NT5E: variants seen among roughly 807,000 people sequenced by gnomAD.
NT5E encodes 5'-nucleotidase ecto.
Under a neutral mutation model 55.1 loss-of-function variants are expected in NT5E, and 53 were observed. The ratio of observed to expected loss-of-function variants is 0.96; its 90% CI spans 0.77 to 1.21. The LOEUF (loss-of-function observed/expected upper bound fraction) is 1.21, where lower values mean the gene tolerates loss of function less well. Among genes scored for constraint, NT5E ranks in the 50% most tolerant of loss-of-function variants. The pLI is 0.00. For missense variants in NT5E, 683 were observed against 724.3 expected, an observed-to-expected ratio of 0.94 and a Z score of 0.65; for synonymous variants, 270 against 278.4, an observed-to-expected ratio of 0.97 and a Z score of 0.30.
rs201657741 is a variant in NT5E at position 85,471,392 on chromosome 6, G to A, written c.718G>A (p.Val240Met). 109 of 1,612,872 alleles carry A rather than the reference G, an allele frequency of 6.8e-5. No individual in the cohort carries two copies. Among genetic ancestry groups the A allele is most frequent in the Non-Finnish European group, 8.9e-5 (105 of 1,179,228 alleles). The change falls in exon 3 of 9, where the codon GTG becomes ATG. Residue 240 changes from valine (V) to methionine (M), a missense_variant. Transcript: ENST00000257770. Reference sequence around the variant, plus strand: ...GAAAGTGAGGGGTGTGGACGTCGTGGTGGGAGGACACTCCAACACATTTCT... The same window carrying A: ...GAAAGTGAGGGGTGTGGACGTCGTGATGGGAGGACACTCCAACACATTTCT... Reference protein sequence around the residue: ...AQKVRGVDVVVGGHSNTFLYT... With the variant: ...AQKVRGVDVVMGGHSNTFLYT...
chr6:85,476,758 G>C (rs1464390787), intron 3 of NT5E, among the ~76,000 whole-genome samples: 1 of 152,142 alleles, frequency 6.6e-6, no homozygotes, highest in Non-Finnish European at 1.5e-5. Flanking sequence ...GCCATCCCCA[G>C]CTGAACTCTT....
Position 85,491,997 on chromosome 6 carries a change from C to A in NT5E, c.1381C>A (p.Leu461Ile), listed in dbSNP as rs1329566226. 2 of 1,613,960 alleles carry A rather than the reference C, an allele frequency of 1.2e-6. No homozygotes were observed. The highest frequency in any genetic ancestry group is 2.7e-5 in the African/African-American group (2 of 74,918). Residue 461 changes from leucine to isoleucine, a missense_variant, in exon 8 of 9, where the codon CTT (leucine) becomes ATT (isoleucine). Coordinates refer to ENST00000257770, the MANE Select transcript of NT5E (RefSeq NM_002526.4). ...QVGGIHVVYD[L>I]SRKPGDRVVK... is the part of the protein sequence containing the mutation. ...TCTAGGAATCCATGTGGTGTATGAT[C>A]TTTCCCGAAAACCTGGAGACAGAGT... is the stretch of plus-strand genomic sequence containing the variant.
Position 85,490,650 on chromosome 6 carries a change from G to A in NT5E, c.1353G>A (p.Gln451=). ...GCCAGTCCACTGGAGAGTTCCTGCAGGTGGGCGGTAAGTCACCCATCCTGT... is the reference window on the plus strand; with the variant it reads ...GCCAGTCCACTGGAGAGTTCCTGCAAGTGGGCGGTAAGTCACCCATCCTGT... ...RYGQSTGEFL[Q]VGGIHVVYDL... The change falls in exon 7 of 9, where the codon CAG becomes CAA. Residue 451 remains glutamine, a synonymous_variant. Coordinates refer to ENST00000257770, the MANE Select transcript of NT5E (RefSeq NM_002526.4). 1.2e-6 allele frequency: 2 copies of A among 1,614,026 alleles called. No homozygotes were observed. The highest frequency in any genetic ancestry group is 1.7e-6 in the Non-Finnish European group (2 of 1,180,016).
intron 3 of NT5E, among the ~76,000 whole-genome samples, chr6:85,476,893 C>G (rs1186641002): frequency 6.6e-6 from 1 of 151,956 alleles, no homozygotes; most frequent in African/African-American, 2.4e-5. Flanking sequence ...TTTATGGGGA[C>G]AGGATGGGGG....
At chr6:85,473,126 G>T (rs1769352294) in intron 3 of NT5E, among the ~76,000 whole-genome samples, 1 of 152,172 alleles carries the variant, frequency 6.6e-6, no homozygotes, top group South Asian at 2.1e-4. Context: ...CTCCATGAGG[G>T]TTAAATGAAC....
intron 1 of NT5E, among the ~76,000 whole-genome samples, chr6:85,458,427 C>T (rs972521017): frequency 2.0e-5 from 3 of 152,178 alleles, no homozygotes; most frequent in African/African-American, 7.2e-5. Flanking sequence ...CAGCTTCAGG[C>T]AGGGGAGGGA....
intron 3 of NT5E, among the ~76,000 whole-genome samples, chr6:85,474,647 G>A (rs946956211): frequency 9.2e-5 from 14 of 152,194 alleles, no homozygotes; most frequent in African/African-American, 2.2e-4. Flanking sequence ...AATTAAAGGT[G>A]GCTGGGCACA....
intron 3 of NT5E, 64 bp from the exon 4 acceptor site, chr6:85,485,171 T>C (rs1285515148): frequency 6.0e-6 from 9 of 1,511,238 alleles, no homozygotes; most frequent in Non-Finnish European, 8.3e-6. Flanking sequence ...AGTAGCCCGC[T>C]GGCCTACAGC....
At chr6:85,457,809 G>T (rs1036698674) in intron 1 of NT5E, among the ~76,000 whole-genome samples, 2 of 152,132 alleles carry the variant, frequency 1.3e-5, no homozygotes, top group African/African-American at 4.8e-5. Context: ...GACCTGCTAG[G>T]GTGAAAATTA....
At chr6:85,493,319 A>C (rs1307793980) in intron 8 of NT5E, among the ~76,000 whole-genome samples, 1 of 152,152 alleles carries the variant, frequency 6.6e-6, no homozygotes, top group Non-Finnish European at 1.5e-5. Context: ...CTGGAGTGAT[A>C]TTTTTAAAAT....
intron 1 of NT5E, among the ~76,000 whole-genome samples, chr6:85,458,614 C>T (rs1400156990): frequency 6.6e-6 from 1 of 152,180 alleles, no homozygotes. Flanking sequence ...TTTTCCTCAG[C>T]CACATAATCG....
At chr6:85,451,046 A>G (rs1464845377) in intron 1 of NT5E, among the ~76,000 whole-genome samples, 2 of 152,188 alleles carry the variant, frequency 1.3e-5, no homozygotes, top group Non-Finnish European at 2.9e-5. Flanking sequence ...ATTACCTTCT[A>G]TGTGACCTTG....
intron 8 of NT5E, 72 bp downstream of exon 8, chr6:85,492,249 G>T (rs1769802017): frequency 2.1e-6 from 3 of 1,419,396 alleles, no homozygotes; most frequent in African/African-American, 1.4e-5. Context: ...TACTAGTGGT[G>T]CCAGGAGGGC....
intron 3 of NT5E, among the ~76,000 whole-genome samples, chr6:85,473,013 C>A (rs777921696): frequency 6.6e-6 from 1 of 152,084 alleles, no homozygotes; most frequent in Admixed American, 6.5e-5. Context: ...ATGTCAAGAA[C>A]AGCCCCAGGC....
intron 3 of NT5E, among the ~76,000 whole-genome samples, chr6:85,473,045 T>C (rs533154987): frequency 5.5e-4 from 83 of 152,288 alleles, no homozygotes; most frequent in African/African-American, 1.9e-3. Context: ...AATCCATAAA[T>C]GTGATGAGGA....
chr6:85,490,794 C>A, intron 7 of NT5E, 137 bp downstream of exon 7: 1 of 899,844 alleles, frequency 1.1e-6, no homozygotes, highest in Non-Finnish European at 1.8e-6. Flanking sequence ...CAATACCTTA[C>A]CCTTTAATGG....
chr6:85,476,921 G>T (rs1414246967), intron 3 of NT5E, among the ~76,000 whole-genome samples: 2 of 152,162 alleles, frequency 1.3e-5, no homozygotes, highest in Non-Finnish European at 2.9e-5. Context: ...GGGCCAGGGT[G>T]ATTTTGGAAA....
intron 3 of NT5E, among the ~76,000 whole-genome samples, chr6:85,479,029 T>C (rs1292741517): frequency 6.6e-6 from 1 of 152,158 alleles, no homozygotes; most frequent in Non-Finnish European, 1.5e-5. Context: ...CATAAGGCGG[T>C]AGGACTATGA....
At chr6:85,490,694 G>C (rs1436315954) in intron 7 of NT5E, 37 bp downstream of exon 7, 1 of 1,611,762 alleles carries the variant, frequency 6.2e-7, no homozygotes, top group Non-Finnish European at 8.5e-7. Flanking sequence ...CCCATCCAAA[G>C]TGACATGGCA....
Sources: gnomAD v4.1 joint callset for allele counts (sites outside exome capture counted in the v4.1 genomes callset) on GRCh38, gnomAD v4.1.1 for gene constraint, MANE v1.5 for transcripts, NCBI Gene and HGNC (gene_info 2026-07-23, HGNC 2026-07-21) for gene names.